The following RPS6KA5 variants were observed in gnomAD, a reference collection of about 807,000 sequenced individuals.
The protein encoded by RPS6KA5 is ribosomal protein S6 kinase A5.
RPS6KA5 carries 27 observed loss-of-function variants against 85.5 expected under a neutral mutation model. The ratio of observed to expected loss-of-function variants is 0.32; its 90% CI spans 0.23 to 0.44. RPS6KA5 has a LOEUF of 0.44. Among genes scored for constraint, RPS6KA5 ranks in the 20% least tolerant of loss-of-function variants. The probability of loss-of-function intolerance (pLI) is 1.00; values close to 1 mark genes in which losing one functional copy is unlikely to be tolerated. For missense variants in RPS6KA5, 811 were observed against 980.9 expected, an observed-to-expected ratio of 0.83 and a Z score of 2.31; for synonymous variants, 334 against 348.2, an observed-to-expected ratio of 0.96 and a Z score of 0.46.
chr14:90,952,699 C>T (rs761424737), intron 3 of RPS6KA5, among the ~76,000 whole-genome samples: 2 of 152,222 alleles, frequency 1.3e-5, no homozygotes, highest in Non-Finnish European at 2.9e-5. Context: ...AAATGCAGTG[C>T]GATTGGAATA....
chr14:90,989,844 C>T (rs1403423479), intron 2 of RPS6KA5, among the ~76,000 whole-genome samples: 1 of 152,048 alleles, frequency 6.6e-6, no homozygotes, highest in African/African-American at 2.4e-5. Context: ...TTATACTTCA[C>T]ACAATGCTGG....
intron 1 of RPS6KA5, among the ~76,000 whole-genome samples, chr14:91,050,192 A>AC: frequency 6.6e-6 from 1 of 152,158 alleles, no homozygotes; most frequent in East Asian, 1.9e-4. Context: ...AGCCTGGGCA[A>AC]CATAGCAAGA....
intron 5 of RPS6KA5, among the ~76,000 whole-genome samples, chr14:90,926,888 A>C (rs576148280): frequency 2.6e-5 from 4 of 152,196 alleles, no homozygotes; most frequent in African/African-American, 9.6e-5. Context: ...CTCAGATGCA[A>C]GAAGCAAGAA....
chr14:90,939,814 A>G (rs180681270), intron 5 of RPS6KA5, among the ~76,000 whole-genome samples: 97 of 152,328 alleles, frequency 6.4e-4, no homozygotes, highest in African/African-American at 2.0e-3. Flanking sequence ...AAACCATACC[A>G]TAAAGATACA....
At position 90,855,622 on chromosome 14, in the gene RPS6KA5, T is replaced by TATTTTTTTTTC; in HGVS notation, c.*16451_*16452insGAAAAAAAAAT. 5.0e-5 allele frequency: 1 copy of TATTTTTTTTTC among 19,928 alleles called. No homozygotes were observed. Among genetic ancestry groups the TATTTTTTTTTC allele is most frequent in the Non-Finnish European group, 1.8e-4 (1 of 5,418 alleles). 1.2% of individuals were successfully genotyped at this position (19,928 alleles called of 1,614,324 possible). A position where few individuals can be genotyped will look rare whatever the true frequency, so the allele number is the denominator to read the frequency against. ...CCAGCTAATTTTTGTATTTTTTTTT[T>TATTTTTTTTTC]TTTGAGACAGAGTCTTGCTCTGTTG... On this transcript the variant is annotated 3_prime_UTR_variant, in exon 17 of 17. Transcript: ENST00000614987.
intron 1 of RPS6KA5, among the ~76,000 whole-genome samples, chr14:91,024,766 C>A (rs1248791659): frequency 6.6e-6 from 1 of 152,172 alleles, no homozygotes. Flanking sequence ...AAGTCCCAGA[C>A]CAGGGTTCTG....
chr14:90,994,705 G>T (rs953117555), intron 2 of RPS6KA5, among the ~76,000 whole-genome samples: 1 of 150,902 alleles, frequency 6.6e-6, no homozygotes, highest in Admixed American at 6.6e-5. Flanking sequence ...CCAACTAGCT[G>T]GGAGTACAGG....
In RPS6KA5 at chr14:90,894,427, C is replaced by G; in HGVS notation, c.1630G>C (p.Asp544His). The stretch of plus-strand genomic sequence containing the variant: ...TGATTTTATACCTCAGGTTTCAGAT[C>G]CCTGTGCACCACTCCAACATCATGC... ...HMHDVGVVHRDLKPENLLFTD... is the reference protein window; with the variant it reads ...HMHDVGVVHRHLKPENLLFTD... The change falls in exon 13 of 17, where the codon GAT becomes CAT. Residue 544 changes from aspartate to histidine, a missense_variant. By Grantham distance (81) the Asp-to-His change is moderately conservative. Around this residue, in one of 3 missense-constraint regions of RPS6KA5, gnomAD observed 650 missense variants for 793.4 expected, o/e 0.82. Coordinates refer to ENST00000614987, the MANE Select transcript of RPS6KA5 (RefSeq NM_004755.4). The G allele has an allele frequency of 6.2e-7, 1 of 1,613,554 alleles. No individual in the cohort carries two copies. The highest frequency in any genetic ancestry group is 8.5e-7 in the Non-Finnish European group (1 of 1,179,712).
chr14:90,953,063 A>G (rs1054210609), intron 3 of RPS6KA5, among the ~76,000 whole-genome samples: 1 of 152,220 alleles, frequency 6.6e-6, no homozygotes, highest in African/African-American at 2.4e-5. Context: ...ACAAGCCTTC[A>G]GCACCATGGC....
At chr14:90,909,735 A>C (rs1487537068) in intron 7 of RPS6KA5, among the ~76,000 whole-genome samples, 1 of 152,236 alleles carries the variant, frequency 6.6e-6, no homozygotes, top group Non-Finnish European at 1.5e-5. Context: ...AGCCAAATCA[A>C]GTGAACATAG....
chr14:90,893,021 AT>A (rs781176120), intron 13 of RPS6KA5, among the ~76,000 whole-genome samples: 3 of 152,214 alleles, frequency 2.0e-5, no homozygotes, highest in African/African-American at 2.4e-5. Context: ...GCAAATCTAA[AT>A]TCTGCAAGAG....
intron 1 of RPS6KA5, among the ~76,000 whole-genome samples, chr14:91,046,342 T>A (rs886245343): frequency 2.6e-5 from 4 of 152,184 alleles, no homozygotes; most frequent in African/African-American, 9.7e-5. Flanking sequence ...AAGTTATGAG[T>A]TTGATTTGCA....
At chr14:90,968,396 T>C (rs1326510713) in intron 3 of RPS6KA5, among the ~76,000 whole-genome samples, 1 of 152,220 alleles carries the variant, frequency 6.6e-6, no homozygotes, top group Non-Finnish European at 1.5e-5. Context: ...GTCAGCTGAT[T>C]AGTGGTCTTA....
At chr14:90,953,103 T>C (rs1386067167) in intron 3 of RPS6KA5, among the ~76,000 whole-genome samples, 1 of 152,172 alleles carries the variant, frequency 6.6e-6, no homozygotes, top group African/African-American at 2.4e-5. Flanking sequence ...GGGAGAGATG[T>C]TGCGAGAAAT....
chr14:91,028,167 G>A (rs1340874508), intron 1 of RPS6KA5, among the ~76,000 whole-genome samples: 1 of 152,102 alleles, frequency 6.6e-6, no homozygotes, highest in East Asian at 1.9e-4. Context: ...TTGCCAAAGC[G>A]AGCTATTGCC....
chr14:90,889,294 C>CAAAAAAAA (rs11450327), intron 14 of RPS6KA5, among the ~76,000 whole-genome samples: 1 of 71,236 alleles, frequency 1.4e-5, no homozygotes, highest in African/African-American at 5.4e-5. Flanking sequence ...ACTTTGTCTC[C>CAAAAAAAA]AAAAAAAAAA....
At position 91,060,425 on chromosome 14, in the gene RPS6KA5, C is replaced by T; in HGVS notation, c.10G>A (p.Glu4Lys). The part of the protein sequence containing the change: MEE[E>K]GGSSGGAAGT... ...GCGGCGCCGCCGCTGCTGCCACCCTCCTCCTCCATCTTCTCCTTTTTTTCC... is the reference window on the plus strand; with the variant it reads ...GCGGCGCCGCCGCTGCTGCCACCCTTCTCCTCCATCTTCTCCTTTTTTTCC... The change falls in exon 1 of 17, where the codon GAG (glutamate) becomes AAG (lysine). Residue 4 changes from glutamate to lysine, a missense_variant. Physicochemically the swap from Glu to Lys is moderately conservative, Grantham distance 56. This residue lies in a region of RPS6KA5 where 113 missense variants were observed against 100.0 expected (regional missense o/e 1.13). Coordinates refer to ENST00000614987, the MANE Select transcript of RPS6KA5 (RefSeq NM_004755.4). 3 of 1,492,602 alleles carry T rather than the reference C, an allele frequency of 2.0e-6. No homozygotes were observed. The highest frequency in any genetic ancestry group is 5.4e-5 in the East Asian group (2 of 37,244). The allele number at this position is 1,492,602 out of a possible 1,614,324, so 92.5% of individuals were successfully genotyped here. A position where few individuals can be genotyped will look rare whatever the true frequency, so the allele number is the denominator to read the frequency against.
chr14:90,998,814 A>G (rs56233151), intron 2 of RPS6KA5, among the ~76,000 whole-genome samples: 71,729 of 152,030 alleles, frequency 0.47, 17,484 homozygotes, highest in East Asian at 0.55. Flanking sequence ...GGTAGCTGTA[A>G]AGATTGGGCC....
chr14:90,873,421 G>C (rs1368449623), intron 16 of RPS6KA5, among the ~76,000 whole-genome samples: 1 of 152,124 alleles, frequency 6.6e-6, no homozygotes, highest in African/African-American at 2.4e-5. Flanking sequence ...TATGTATTTT[G>C]TGGGTTAGCA....
Sources: allele counts gnomAD v4.1 joint callset (sites outside exome capture counted in the v4.1 genomes callset), GRCh38; gene constraint gnomAD v4.1.1; regional missense constraint gnomAD v4.1.1; transcripts MANE v1.5; gene names NCBI Gene and HGNC (gene_info 2026-07-23, HGNC 2026-07-21).